Variants in NRXN1 observed in about 807,000 individuals in gnomAD.
NRXN1 encodes neurexin-1.
A neutral mutation model predicts 150.9 loss-of-function variants in NRXN1; 39 were observed. That is an observed-to-expected ratio of 0.26 (90% CI 0.20 to 0.34). The LOEUF is 0.34. NRXN1 is among the 10% of genes least tolerant of loss of function. The pLI is 1.00. For synonymous variants in NRXN1, 924 were observed against 757.0 expected, an observed-to-expected ratio of 1.22 and a Z score of -3.62; for missense variants, 1,815 against 1,949.9, an observed-to-expected ratio of 0.93 and a Z score of 1.30.
intron 17 of NRXN1, among the ~76,000 whole-genome samples, chr2:50,434,363 T>A (rs2085252253): frequency 6.6e-6 from 1 of 152,102 alleles, no homozygotes; most frequent in African/African-American, 2.4e-5. Flanking sequence ...ATTACAGGCG[T>A]GAGCCACCTC....
intron 5 of NRXN1, among the ~76,000 whole-genome samples, chr2:50,876,119 C>T (rs180963769): frequency 1.8e-3 from 272 of 151,840 alleles, no homozygotes; most frequent in African/African-American, 5.8e-3. Context: ...ACTATTAAGA[C>T]GGGCAGGCAT....
At chr2:50,351,037 T>C (rs923140320) in intron 17 of NRXN1, among the ~76,000 whole-genome samples, 2 of 152,142 alleles carry the variant, frequency 1.3e-5, no homozygotes, top group Non-Finnish European at 2.9e-5. Flanking sequence ...AGAAAAAGTA[T>C]TGTGGGCAAA....
chr2:50,270,996 A>G (rs2069541992), intron 17 of NRXN1, among the ~76,000 whole-genome samples: 1 of 152,184 alleles, frequency 6.6e-6, no homozygotes, highest in Non-Finnish European at 1.5e-5. Context: ...TGTCTTTCAA[A>G]TACTCATGCC....
At chr2:50,876,368 C>T (rs1008656829) in intron 5 of NRXN1, among the ~76,000 whole-genome samples, 2 of 151,674 alleles carry the variant, frequency 1.3e-5, no homozygotes, top group African/African-American at 4.8e-5. Flanking sequence ...TGGTCTGATG[C>T]TGGGGACTAT....
chr2:50,032,031 A>C (rs1689251575), intron 21 of NRXN1, among the ~76,000 whole-genome samples: 1 of 152,112 alleles, frequency 6.6e-6, no homozygotes, highest in African/African-American at 2.4e-5. Context: ...TGTATTAAAA[A>C]TATATCAATA....
chr2:50,964,657 T>G (rs1183630612), intron 2 of NRXN1, among the ~76,000 whole-genome samples: 3 of 151,464 alleles, frequency 2.0e-5, no homozygotes, highest in Non-Finnish European at 3.0e-5. Flanking sequence ...ACACATGAAT[T>G]TGACAACTTT....
chr2:51,027,798 G>A lies in NRXN1; in HGVS notation c.476C>T (p.Pro159Leu), dbSNP rs373070672. ...VFSGLFVGGLPPELRAAALKL... is the reference protein window; with the variant it reads ...VFSGLFVGGLLPELRAAALKL... Reference sequence around the variant, plus strand: ...GAGCGCCGCGGCGCGCAGTTCCGGGGGCAGCCCCCCGACGAAAAGGCCGCT... The same window carrying A: ...GAGCGCCGCGGCGCGCAGTTCCGGGAGCAGCCCCCCGACGAAAAGGCCGCT... Residue 159 changes from proline (P) to leucine (L), a missense_variant, in exon 2 of 23, where the codon CCC becomes CTC. Physicochemically the swap from Pro to Leu is moderately conservative, Grantham distance 98. Coordinates refer to ENST00000401669, the MANE Select transcript of NRXN1 (RefSeq NM_001330078.2). 31 of 1,612,974 alleles carry A rather than the reference G, an allele frequency of 1.9e-5. No individual in the cohort carries two copies. The highest frequency in any genetic ancestry group is 2.5e-5 in the Non-Finnish European group (30 of 1,179,600).
chr2:51,003,481 C>T (rs999019542), intron 2 of NRXN1, among the ~76,000 whole-genome samples: 1 of 151,882 alleles, frequency 6.6e-6, no homozygotes, highest in Non-Finnish European at 1.5e-5. Flanking sequence ...AAATTAATAT[C>T]ACATTTAATC....
At chr2:50,399,053 C>T (rs1225121835) in intron 17 of NRXN1, among the ~76,000 whole-genome samples, 5 of 152,064 alleles carry the variant, frequency 3.3e-5, no homozygotes, top group South Asian at 2.1e-4. Context: ...AATGGATTTT[C>T]GAAAGTAAAA....
At chr2:51,007,131 T>A (rs1667135963) in intron 2 of NRXN1, among the ~76,000 whole-genome samples, 1 of 152,026 alleles carries the variant, frequency 6.6e-6, no homozygotes, top group Admixed American at 6.6e-5. Flanking sequence ...TAATGAGCTA[T>A]AACTCTTCGT....
At chr2:50,476,008 G>A (rs778469348) in intron 15 of NRXN1, among the ~76,000 whole-genome samples, 9 of 152,082 alleles carry the variant, frequency 5.9e-5, no homozygotes, top group Non-Finnish European at 1.5e-5. Context: ...CAACTTTCCT[G>A]TAGATATGAA....
intron 11 of NRXN1, among the ~76,000 whole-genome samples, chr2:50,529,436 A>C (rs1359516320): frequency 6.6e-6 from 1 of 152,184 alleles, no homozygotes; most frequent in African/African-American, 2.4e-5. Context: ...AAAAGTAGCT[A>C]CTATAAGAAC....
intron 18 of NRXN1, among the ~76,000 whole-genome samples, chr2:50,103,791 T>G (rs1460806881): frequency 6.6e-6 from 1 of 152,006 alleles, no homozygotes; most frequent in Non-Finnish European, 1.5e-5. Flanking sequence ...TTGAAGACAG[T>G]TGTGGACGTT....
intron 5 of NRXN1, among the ~76,000 whole-genome samples, chr2:50,645,354 A>G (rs187914713): frequency 4.6e-5 from 7 of 152,168 alleles, no homozygotes; most frequent in African/African-American, 1.7e-4. Flanking sequence ...GAAAAAATAA[A>G]TAATACAAGA....
intron 18 of NRXN1, among the ~76,000 whole-genome samples, chr2:50,189,180 T>C (rs987996835): frequency 5.3e-5 from 8 of 152,144 alleles, no homozygotes; most frequent in Admixed American, 2.0e-4. Flanking sequence ...TGGAATACTA[T>C]GAAGTCATAA....
chr2:49,946,069 T>A (rs1672837570), intron 21 of NRXN1, among the ~76,000 whole-genome samples: 1 of 152,200 alleles, frequency 6.6e-6, no homozygotes. Flanking sequence ...TTTTTAATGA[T>A]TGCCATTCTA....
intron 18 of NRXN1, among the ~76,000 whole-genome samples, chr2:50,195,758 T>C (rs1209124690): frequency 6.6e-6 from 1 of 152,110 alleles, no homozygotes; most frequent in Non-Finnish European, 1.5e-5. Context: ...TACTACCTGA[T>C]AATGTGATTA....
intron 5 of NRXN1, among the ~76,000 whole-genome samples, chr2:50,843,818 C>T (rs150446292): frequency 1.3e-5 from 2 of 152,246 alleles, no homozygotes; most frequent in East Asian, 3.9e-4. Context: ...CAGTTTATGC[C>T]CTAAAACTTC....
chr2:50,908,001 T>A (rs1683967321), intron 5 of NRXN1, among the ~76,000 whole-genome samples: 2 of 152,272 alleles, frequency 1.3e-5, no homozygotes, highest in African/African-American at 4.8e-5. Flanking sequence ...TTGGTTTCTG[T>A]AAATAACTTA....
Sources: allele counts gnomAD v4.1 joint callset (sites outside exome capture counted in the v4.1 genomes callset), GRCh38; gene constraint gnomAD v4.1.1; transcripts MANE v1.5; gene names NCBI Gene and HGNC (gene_info 2026-07-23, HGNC 2026-07-21).